The following SATB1 variants were observed in gnomAD, a reference collection of about 807,000 sequenced individuals.
SATB1 encodes SATB homeobox 1.
A neutral mutation model predicts 86.9 loss-of-function variants in SATB1; 11 were observed. That is an observed-to-expected ratio of 0.13 (90% CI 0.08 to 0.21). The LOEUF (loss-of-function observed/expected upper bound fraction) is 0.21. Ranked by LOEUF, SATB1 falls within the 10% of genes least tolerant of loss-of-function variation. The probability of loss-of-function intolerance (pLI) is 1.00; values close to 1 mark genes in which losing one functional copy is unlikely to be tolerated. For synonymous variants in SATB1, 357 were observed against 357.2 expected, an observed-to-expected ratio of 1.00 and a Z score of 0.01; for missense variants, 551 against 937.6, an observed-to-expected ratio of 0.59 and a Z score of 5.39.
chr3:18,404,100 GTATGAGA>G (rs1559440029), intron 5 of SATB1, among the ~76,000 whole-genome samples: 1 of 152,026 alleles, frequency 6.6e-6, no homozygotes, highest in East Asian at 1.9e-4. Flanking sequence ...AAGAGGCATC[GTATGAGA>G]TATGATATAT....
chr3:18,377,204 T>A (rs564948908), intron 9 of SATB1, among the ~76,000 whole-genome samples: 1 of 152,302 alleles, frequency 6.6e-6, no homozygotes, highest in South Asian at 2.1e-4. Context: ...TCATCAGAAG[T>A]TGACAACAGC....
intron 5 of SATB1, among the ~76,000 whole-genome samples, chr3:18,414,774 C>A (rs939573164): frequency 1.3e-5 from 2 of 152,088 alleles, no homozygotes; most frequent in Non-Finnish European, 2.9e-5. Context: ...GTAGTACCAC[C>A]TCGACTCTTT....
intron 7 of SATB1, among the ~76,000 whole-genome samples, chr3:18,387,629 T>G (rs1696413105): frequency 6.6e-6 from 1 of 152,218 alleles, no homozygotes; most frequent in Admixed American, 6.5e-5. Flanking sequence ...TAAGCAGCTC[T>G]TCTCTCTTTA....
Position 18,417,032 on chromosome 3 carries a change from G to A in SATB1, c.258C>T (p.Ala86=). Residue 86 remains alanine, a synonymous_variant, in exon 3 of 11, where the codon GCC becomes GCT. Coordinates refer to ENST00000338745, the MANE Select transcript of SATB1 (RefSeq NM_002971.6). ...VFCVVEHYEN[A]IEYDCKEEHA... ...GCTCCTCCTTGCAATCATATTCAAT[G>A]GCGTTTTCATAATGTTCCACCACAC... 1 of 1,613,472 alleles carries A rather than the reference G, an allele frequency of 6.2e-7. No homozygotes were observed. The highest frequency in any genetic ancestry group is 1.1e-5 in the South Asian group (1 of 91,036).
At chr3:18,369,162 TAA>T (rs200357255) in intron 9 of SATB1, among the ~76,000 whole-genome samples, 60 of 119,974 alleles carry the variant, frequency 5.0e-4, no homozygotes, top group South Asian at 1.1e-3. Context: ...AACTTTGCAT[TAA>T]AAAAAAAAAA....
chr3:18,412,841 G>T (rs1358809008), intron 5 of SATB1, among the ~76,000 whole-genome samples: 1 of 151,834 alleles, frequency 6.6e-6, no homozygotes, highest in East Asian at 1.9e-4. Context: ...AGTTTATGTT[G>T]AAAAAATTCT....
At chr3:18,375,808 G>C (rs563801486) in intron 9 of SATB1, among the ~76,000 whole-genome samples, 2 of 152,162 alleles carry the variant, frequency 1.3e-5, no homozygotes, top group Admixed American at 1.3e-4. Flanking sequence ...ACATTAAACT[G>C]AACAACTAAG....
rs1267780649 is a variant in SATB1 at position 18,444,583 on chromosome 3, G to T, written c.-25+935C>A. On this transcript the variant is annotated intron_variant, in intron 1 of 3. Transcript: ENST00000415069. This position sits in a 1 kb window ranked among gnomAD's most constrained non-coding sequence, Gnocchi z 5.1. ...AACAGCAAGAGTAGCAAGGGGAAAAGGGAGGCAAAAGAGCAGAACTCACTC... is the reference window on the plus strand; with the variant it reads ...AACAGCAAGAGTAGCAAGGGGAAAATGGAGGCAAAAGAGCAGAACTCACTC... 2.0e-6 allele frequency: 2 copies of T among 985,622 alleles called. No homozygotes were observed. Among genetic ancestry groups the T allele is most frequent in the Non-Finnish European group, 2.4e-6 (2 of 830,270 alleles). 61.1% of individuals were successfully genotyped at this position (985,622 alleles called of 1,614,324 possible).
At chr3:18,379,240 T>TAA (rs1416350336) in intron 8 of SATB1, among the ~76,000 whole-genome samples, 3 of 152,242 alleles carry the variant, frequency 2.0e-5, no homozygotes, top group African/African-American at 7.2e-5. Flanking sequence ...ACTGATACTA[T>TAA]AATTCATGTT....
At chr3:18,379,689 T>G (rs1695945663) in intron 8 of SATB1, among the ~76,000 whole-genome samples, 1 of 152,202 alleles carries the variant, frequency 6.6e-6, no homozygotes, top group Admixed American at 6.5e-5. Context: ...GAATCCTAAT[T>G]TCTAGCCAAT....
At chr3:18,398,689 A>G (rs919211948) in intron 5 of SATB1, among the ~76,000 whole-genome samples, 9 of 152,170 alleles carry the variant, frequency 5.9e-5, no homozygotes, top group Non-Finnish European at 1.2e-4. Context: ...TTATTTATGT[A>G]AAACACAGCT....
At chr3:18,414,585 C>A (rs377028252) in intron 5 of SATB1, among the ~76,000 whole-genome samples, 132 of 152,068 alleles carry the variant, frequency 8.7e-4, no homozygotes, top group African/African-American at 3.1e-3. Flanking sequence ...AATGAATTAA[C>A]TATTCAACCT....
At chr3:18,360,776 G>T (rs928454782) in intron 9 of SATB1, among the ~76,000 whole-genome samples, 2 of 151,992 alleles carry the variant, frequency 1.3e-5, no homozygotes, top group Non-Finnish European at 2.9e-5. Context: ...ACTACCAAAA[G>T]GTCTTATAAA....
chr3:18,422,907 T>C lies in SATB1; in HGVS notation c.-25+720A>G, dbSNP rs369621051. Among the ~76,000 whole-genome samples the C allele has an allele frequency of 5.9e-4, 90 of 152,360 alleles. 1 individual carries two copies. In the South Asian group the frequency reaches 0.018, roughly 30 times the overall value. On this transcript the variant is annotated intron_variant, in intron 1 of 10. Transcript: ENST00000338745. ...AAGTGATACATTATAATTTAATGTA[T>C]TGACAATCTAAAGTATCATATAGGT...
At chr3:18,400,044 T>C (rs1429651359) in intron 5 of SATB1, among the ~76,000 whole-genome samples, 1 of 152,128 alleles carries the variant, frequency 6.6e-6, no homozygotes, top group African/African-American at 2.4e-5. Context: ...GTGGTGCACA[T>C]GGCATTTGAA....
rs1373351400 is a variant in SATB1 at position 18,351,782 on chromosome 3, G to A, written c.1779+210C>T. ...AGGGGTTCCTGTTGCTTTGGTGGCT[G>A]GGAGATGAGGAAAGAGGAACACGAT... On this transcript the variant is annotated intron_variant, in intron 10 of 10. Coordinates refer to ENST00000338745, the MANE Select transcript of SATB1 (RefSeq NM_002971.6). The A allele has an allele frequency of 7.0e-6, 4 of 570,902 alleles. No homozygotes were observed. The African/African-American group carries it at 7.5e-5, about 11-fold the overall frequency. 35.4% of individuals were successfully genotyped at this position (570,902 alleles called of 1,614,324 possible). A position where few individuals can be genotyped will look rare whatever the true frequency, so the allele number is the denominator to read the frequency against.
intron 9 of SATB1, among the ~76,000 whole-genome samples, chr3:18,367,429 A>C (rs910544195): frequency 1.3e-5 from 2 of 152,192 alleles, no homozygotes; most frequent in South Asian, 4.1e-4. Context: ...TGAAGATATG[A>C]GAGCACTGAA....
At chr3:18,440,409 C>A (rs1266964799), upstream of SATB1, among the ~76,000 whole-genome samples, 3 of 152,150 alleles carry the variant, frequency 2.0e-5, no homozygotes, top group Non-Finnish European at 4.4e-5. Context: ...CAGGAAGAGT[C>A]TGAAGCCCTG....
intron 8 of SATB1, among the ~76,000 whole-genome samples, chr3:18,383,259 C>A (rs183889101): frequency 5.9e-5 from 9 of 152,142 alleles, no homozygotes; most frequent in Admixed American, 1.3e-4. Flanking sequence ...TAGGTGTCCC[C>A]AGGTGGGGTC....
Sources: allele counts gnomAD v4.1 joint callset (sites outside exome capture counted in the v4.1 genomes callset), GRCh38; gene constraint gnomAD v4.1.1; non-coding constraint Gnocchi (gnomAD v3.1); transcripts MANE v1.5; gene names NCBI Gene and HGNC (gene_info 2026-07-23, HGNC 2026-07-21).